The following GOLGA8A variants were observed in gnomAD, a reference collection of about 807,000 sequenced individuals.
GOLGA8A encodes the protein golgin subfamily A member 8A.
Under a neutral mutation model 22.1 loss-of-function variants are expected in GOLGA8A, and 3 were observed. The observed-to-expected ratio is 0.14, with a 90% confidence interval of 0.06 to 0.35. GOLGA8A has a LOEUF of 0.35. Ranked by LOEUF, GOLGA8A falls within the 10% of genes least tolerant of loss-of-function variation. GOLGA8A has a pLI of 1.00. For missense variants in GOLGA8A, 16 were observed against 233.2 expected (o/e 0.07, Z 6.07); for synonymous variants, 7 against 91.7 (o/e 0.08, Z 5.28).
At chr15:34,418,407 T>C (rs939307930) in intron 2 of GOLGA8A, 4 of 142,374 alleles carry the variant, frequency 2.8e-5, no homozygotes, top group African/African-American at 7.6e-5. Context: ...ACTGACCAAA[T>C]AGAAGGTATG....
intron 2 of GOLGA8A, among the ~76,000 whole-genome samples, chr15:34,427,646 GCA>G (rs1307699278): frequency 6.9e-6 from 1 of 145,588 alleles, no homozygotes; most frequent in East Asian, 2.1e-4. Context: ...GCTTCAAAAG[GCA>G]GCCTGCCAGC....
At chr15:34,431,770 A>G (rs1893263709) in intron 2 of GOLGA8A, among the ~76,000 whole-genome samples, 1 of 148,728 alleles carries the variant, frequency 6.7e-6, no homozygotes, top group South Asian at 2.2e-4. Context: ...TACATTTTAA[A>G]AAAATATATT....
chr15:34,421,922 G>A lies in GOLGA8A; in HGVS notation c.-1123+13461C>T, dbSNP rs574518078. ...GCAACATGCAGAACCACAGAGACAG[G>A]AGGCAAGGTTCCAGACAAATACACC... On this transcript the variant is annotated intron_variant, in intron 2 of 24. Transcript: ENST00000359187. 9.4e-5 allele frequency among the ~76,000 whole-genome samples: 13 copies of A among 137,708 alleles called. 1 individual carries two copies. Among genetic ancestry groups the A allele is most frequent in the African/African-American group, 3.4e-4 (13 of 38,178 alleles). 90.3% of individuals were successfully genotyped at this position (137,708 alleles called of 152,430 possible).
rs1234815767 is a variant in GOLGA8A at position 34,387,040 on chromosome 15, TTTC to T, written c.169-302_169-300del. 31 of 1,248,234 alleles carry T rather than the reference TTTC, an allele frequency of 2.5e-5. No homozygotes were observed. The Middle Eastern group carries it at 8.8e-4, about 35-fold the overall frequency. 77.3% of individuals were successfully genotyped at this position (1,248,234 alleles called of 1,614,324 possible). A position where few individuals can be genotyped will look rare whatever the true frequency, so the allele number is the denominator to read the frequency against. The stretch of plus-strand genomic sequence containing the variant: ...TTTCTTCCCCATCAACTGGCAACAT[TTTC>T]TTTTCTGCCTATCTTGGACCCTTTG... On this transcript the variant is annotated intron_variant, in intron 11 of 24. Transcript: ENST00000359187.
At chr15:34,434,074 C>T (rs1281127564) in intron 2 of GOLGA8A, among the ~76,000 whole-genome samples, 2 of 149,158 alleles carry the variant, frequency 1.3e-5, no homozygotes, top group Admixed American at 6.8e-5. Flanking sequence ...GTTAGGATCT[C>T]CGGGATGGAC....
intron 2 of GOLGA8A, chr15:34,417,712 C>G (rs1259585834): frequency 6.8e-6 from 1 of 146,252 alleles, no homozygotes; most frequent in Non-Finnish European, 1.5e-5. Flanking sequence ...CTTCTAGGCT[C>G]TTATTTCATT....
At chr15:34,409,069 TC>T in intron 2 of GOLGA8A, among the ~76,000 whole-genome samples, 1 of 117,936 alleles carries the variant, frequency 8.5e-6, no homozygotes, top group East Asian at 2.6e-4. Context: ...CCCACCTCTC[TC>T]CCCCCTCCCA....
chr15:34,429,080 C>T (rs950460531), intron 2 of GOLGA8A, among the ~76,000 whole-genome samples: 5 of 143,984 alleles, frequency 3.5e-5, no homozygotes, highest in Admixed American at 2.1e-4. Context: ...CCTCACTGCA[C>T]CCCTCCCCAC....
intron 1 of GOLGA8A, among the ~76,000 whole-genome samples, chr15:34,437,088 G>A (rs1406499081): frequency 6.7e-6 from 1 of 148,326 alleles, no homozygotes; most frequent in Non-Finnish European, 1.5e-5. Context: ...ACTTGCCGGC[G>A]CCGAGAGTGG....
chr15:34,404,454 G>A (rs78887214), intron 5 of GOLGA8A, among the ~76,000 whole-genome samples: 10,934 of 147,022 alleles, frequency 0.074, 97 homozygotes, highest in South Asian at 0.19. Flanking sequence ...GTTCATAGAT[G>A]AGAAAGATAA....
chr15:34,431,945 C>T (rs1566914286), intron 2 of GOLGA8A, among the ~76,000 whole-genome samples: 2 of 148,882 alleles, frequency 1.3e-5, no homozygotes, highest in South Asian at 2.2e-4. Context: ...TGATGCATGA[C>T]AGTACATATG....
chr15:34,421,762 C>T (rs1321407228), intron 2 of GOLGA8A, among the ~76,000 whole-genome samples: 1 of 135,330 alleles, frequency 7.4e-6, no homozygotes, highest in Non-Finnish European at 1.6e-5. Flanking sequence ...CAACTCATGC[C>T]CAGCTAACCT....
rs1007894728 is a variant in GOLGA8A at position 34,437,692 on chromosome 15, T to C, written c.-1506A>G. Among the ~76,000 whole-genome samples, 10 of 130,436 alleles carry C rather than the reference T, an allele frequency of 7.7e-5. 1 individual carries two copies. Among genetic ancestry groups the C allele is most frequent in the African/African-American group, 2.5e-4 (9 of 36,086 alleles). The allele number at this position is 130,436 out of a possible 152,430, so 85.6% of individuals were successfully genotyped here. A position where few individuals can be genotyped will look rare whatever the true frequency, so the allele number is the denominator to read the frequency against. On this transcript the variant is annotated 5_prime_UTR_variant, in exon 1 of 25. Coordinates refer to ENST00000359187, the MANE Select transcript of GOLGA8A (RefSeq NM_181077.5). ...CGCCGTCCTCGCCGCGCCGCCGTCCTCGCCGCGCCGCCGTCCTCGCCGCGC... is the reference window on the plus strand; with the variant it reads ...CGCCGTCCTCGCCGCGCCGCCGTCCCCGCCGCGCCGCCGTCCTCGCCGCGC...
At position 34,434,144 on chromosome 15, in the gene GOLGA8A, G is replaced by C. The variant is rs79146439; in HGVS notation, c.-1123+1239C>G. Among the ~76,000 whole-genome samples, 2 of 149,614 alleles carry C rather than the reference G, an allele frequency of 1.3e-5. 1 individual carries two copies. Among genetic ancestry groups the C allele is most frequent in the Non-Finnish European group, 3.0e-5 (2 of 67,256 alleles). ...ACAACCCAGGGCAGATCTGGGCAATGAGCCTGTCTGCCTGGAGCCAGGAGA... is the reference window on the plus strand; with the variant it reads ...ACAACCCAGGGCAGATCTGGGCAATCAGCCTGTCTGCCTGGAGCCAGGAGA... On this transcript the variant is annotated intron_variant, in intron 2 of 24. Transcript: ENST00000359187.
rs555646016 is a variant in GOLGA8A at position 34,381,219 on chromosome 15, A to G, written c.*192T>C. On this transcript the variant is annotated 3_prime_UTR_variant, in exon 25 of 25. Transcript: ENST00000359187. ...AATGCTGAAGGATGCCAGAGTGAAC[A>G]TCAGTGAGAGCCACAGAGACCCACT... 1 of 1,002,300 alleles carries G rather than the reference A, an allele frequency of 1.0e-6. No homozygotes were observed. Among genetic ancestry groups the G allele is most frequent in the African/African-American group, 1.6e-5 (1 of 62,410 alleles). The allele number at this position is 1,002,300 out of a possible 1,614,324, so 62.1% of individuals were successfully genotyped here.
rs771558675 is a variant in GOLGA8A, at chr15:34,432,267, C to T, written c.-1123+3116G>A. ...TCTCCGATGCCAGCCATCAGTCTCT[C>T]GGCTTGTGTTGAAAATTAGCACCTT... On this transcript the variant is annotated intron_variant, in intron 2 of 24. Transcript: ENST00000359187. Among the ~76,000 whole-genome samples, 4 of 149,056 alleles carry T rather than the reference C, an allele frequency of 2.7e-5. 1 individual carries two copies. Among genetic ancestry groups the T allele is most frequent in the African/African-American group, 5.0e-5 (2 of 40,350 alleles).
intron 2 of GOLGA8A, among the ~76,000 whole-genome samples, chr15:34,415,172 C>T (rs1409846523): frequency 1.7e-5 from 1 of 57,724 alleles, no homozygotes; most frequent in African/African-American, 4.7e-5. Context: ...ATATTTAGTT[C>T]CAGAACATTT....
rs1566914014 is a variant in GOLGA8A, at chr15:34,431,335, ATATATATATATC to A, written c.-1123+4036_-1123+4047del. Among the ~76,000 whole-genome samples the A allele has an allele frequency of 8.6e-5, 6 of 69,724 alleles. No individual in the cohort carries two copies. The South Asian group carries it at 4.9e-3, about 57-fold the overall frequency. The allele number at this position is 69,724 out of a possible 152,430, so 45.7% of individuals were successfully genotyped here. On this transcript the variant is annotated intron_variant, in intron 2 of 24. Transcript: ENST00000359187. ...TACATATATATATATATATATATAT[ATATATATATATC>A]TCACACACACACACTCGTGTCACTT...
chr15:34,435,785 C>T (rs1372227446), intron 1 of GOLGA8A, among the ~76,000 whole-genome samples: 3 of 149,176 alleles, frequency 2.0e-5, no homozygotes, highest in Admixed American at 1.4e-4. Flanking sequence ...CACCCAGTCC[C>T]AGCCCAGAGA....
Sources: gnomAD v4.1 joint callset for allele counts (sites outside exome capture counted in the v4.1 genomes callset) on GRCh38, gnomAD v4.1.1 for gene constraint, MANE v1.5 for transcripts, NCBI Gene and HGNC (gene_info 2026-07-23, HGNC 2026-07-21) for gene names.